The following COA5 variants were observed in gnomAD, a reference collection of about 807,000 sequenced individuals.
COA5 encodes the protein protein C2orf64.
A neutral mutation model predicts 11.8 loss-of-function variants in COA5; 11 were observed. The ratio of observed to expected loss-of-function variants is 0.93; its 90% CI spans 0.59 to 1.54. The LOEUF is 1.54. COA5 is among the 40% of genes most tolerant of loss of function. The pLI is 0.00. For synonymous variants in COA5, 38 were observed against 37.5 expected, an observed-to-expected ratio of 1.01 and a Z score of -0.05; for missense variants, 87 against 89.2, an observed-to-expected ratio of 0.97 and a Z score of 0.10.
chr2:98,608,493 G>A lies in COA5; in HGVS notation c.-88C>T, dbSNP rs910216399. On this transcript the variant is annotated 5_prime_UTR_variant, in exon 1 of 3. Coordinates refer to ENST00000328709, the MANE Select transcript of COA5 (RefSeq NM_001008215.3). ...GGGAGCGAGCGAGGCCCCAGTCTCAGGGGACCGGAAGCCAGCGGCAACAAC... is the reference window on the plus strand; with the variant it reads ...GGGAGCGAGCGAGGCCCCAGTCTCAAGGGACCGGAAGCCAGCGGCAACAAC... 7 of 1,066,420 alleles carry A rather than the reference G, an allele frequency of 6.6e-6. No homozygotes were observed. The highest frequency in any genetic ancestry group is 2.7e-5 in the South Asian group (2 of 74,808). The allele number at this position is 1,066,420 out of a possible 1,614,324, so 66.1% of individuals were successfully genotyped here. A position where few individuals can be genotyped will look rare whatever the true frequency, so the allele number is the denominator to read the frequency against.
At chr2:98,604,719 C>T (rs567924239) in intron 1 of COA5, 1 of 158,636 alleles carries the variant, frequency 6.3e-6, no homozygotes, top group South Asian at 1.9e-4. Context: ...CAGCCACTCC[C>T]CAGAACCTTT....
At chr2:98,601,009 G>T (rs1031095667) in intron 2 of COA5, among the ~76,000 whole-genome samples, 1 of 152,132 alleles carries the variant, frequency 6.6e-6, no homozygotes. Flanking sequence ...ACTTTGGGAT[G>T]ATGAGGTGGG....
intron 2 of COA5, 125 bp downstream of exon 2, chr2:98,603,980 ATAT>A (rs1700678459): frequency 2.9e-6 from 2 of 687,854 alleles, no homozygotes; most frequent in Non-Finnish European, 2.6e-6. Flanking sequence ...GGAGGAAGAA[ATAT>A]TATCTATGTA....
Position 98,600,714 on chromosome 2 carries a change from A to C in COA5, c.*38T>G. ...TTCTTTGTGTTAATGACCAGGGAAAATATTTGTTGTTTTCCATGTTGGCTT... is the reference window on the plus strand; with the variant it reads ...TTCTTTGTGTTAATGACCAGGGAAACTATTTGTTGTTTTCCATGTTGGCTT... On this transcript the variant is annotated 3_prime_UTR_variant, in exon 3 of 3. Transcript: ENST00000328709. The C allele has an allele frequency of 1.9e-6, 3 of 1,588,672 alleles. No individual in the cohort carries two copies. The highest frequency in any genetic ancestry group is 1.7e-6 in the Non-Finnish European group (2 of 1,160,158).
rs545544002 is a variant in COA5 at position 98,604,063 on chromosome 2, T to A, written c.183+45A>T. ...GTCATTCATATATTTAACCTCCCTA[T>A]AGCTAATTTTTAGCATAGGCTTTTA... On this transcript the variant is annotated intron_variant, in intron 2 of 2. Coordinates refer to ENST00000328709, the MANE Select transcript of COA5 (RefSeq NM_001008215.3). The A allele has an allele frequency of 2.4e-5, 35 of 1,435,080 alleles. No individual in the cohort carries two copies. In the Middle Eastern group the frequency reaches 2.8e-3, roughly 117 times the overall value. 88.9% of individuals were successfully genotyped at this position (1,435,080 alleles called of 1,614,324 possible). A position where few individuals can be genotyped will look rare whatever the true frequency, so the allele number is the denominator to read the frequency against.
chr2:98,604,343 T>C (rs1425822725), intron 1 of COA5, 152 bp from the exon 2 acceptor site: 10 of 658,758 alleles, frequency 1.5e-5, no homozygotes, highest in South Asian at 7.1e-5. Context: ...ATTTGGGCTA[T>C]TGGTGCCTAA....
At chr2:98,602,501 T>G (rs993462087) in intron 2 of COA5, 97 of 153,984 alleles carry the variant, frequency 6.3e-4, no homozygotes, top group Non-Finnish European at 1.0e-3. Flanking sequence ...ATATAAAACT[T>G]AGCTGGGCAT....
intron 1 of COA5, 142 bp from the exon 2 acceptor site, chr2:98,604,333 A>G (rs1700683022): frequency 8.6e-6 from 6 of 697,866 alleles, no homozygotes; most frequent in Non-Finnish European, 1.5e-5. Context: ...TTCTTAATTC[A>G]TTTGGGCTAT....
At position 98,608,384 on chromosome 2, in the gene COA5, T is replaced by G. The variant is rs1700742980; in HGVS notation, c.22A>C (p.Lys8Gln). The stretch of plus-strand genomic sequence containing the variant: ...CCCGCGCACGCGCCGCCCTGCGGCT[T>G]GTCCTCATAATACTTAGGCATGACG... MPKYYED[K>Q]PQGGACAGLK... Residue 8 changes from lysine (K) to glutamine (Q), a missense_variant, in exon 1 of 3, where the codon AAG becomes CAG. Transcript: ENST00000328709. 6.2e-7 allele frequency: 1 copy of G among 1,604,506 alleles called. No individual in the cohort carries two copies. Among genetic ancestry groups the G allele is most frequent in the African/African-American group, 1.3e-5 (1 of 74,836 alleles).
At chr2:98,606,619 T>C (rs1700708701) in intron 1 of COA5, among the ~76,000 whole-genome samples, 1 of 152,232 alleles carries the variant, frequency 6.6e-6, no homozygotes, top group African/African-American at 2.4e-5. Flanking sequence ...TGGCGCTCCG[T>C]ACATGTTTGC....
intron 1 of COA5, chr2:98,604,419 C>T (rs1700683740): frequency 1.9e-6 from 1 of 522,508 alleles, no homozygotes. Context: ...CTTGAAAACA[C>T]TGGTTTCTAT....
chr2:98,600,130 T>A lies in COA5; in HGVS notation c.*622A>T, dbSNP rs72823794. 0.26 allele frequency: 40,019 copies of A among 153,402 alleles called. 5,275 individuals carry two copies. The highest frequency in any genetic ancestry group is 0.35 in the Middle Eastern group (103 of 294). The allele number at this position is 153,402 out of a possible 1,614,324, so 9.5% of individuals were successfully genotyped here. ...TGTAGAGCGGGCCAGACTGAAAATG[T>A]AACCAGGAAACAAAAACAGTCCGAA... On this transcript the variant is annotated 3_prime_UTR_variant, in exon 3 of 3. Transcript: ENST00000328709.
At chr2:98,601,320 CTG>C (rs1320186851) in intron 2 of COA5, among the ~76,000 whole-genome samples, 1 of 152,162 alleles carries the variant, frequency 6.6e-6, no homozygotes, top group Admixed American at 6.5e-5. Context: ...TTACATTTAA[CTG>C]TTTATTTGGA....
In COA5 at chr2:98,599,342, T is replaced by G. The variant is rs1368065455; in HGVS notation, c.*1410A>C. On this transcript the variant is annotated 3_prime_UTR_variant, in exon 3 of 3. Transcript: ENST00000328709. Reference sequence around the variant, plus strand: ...CAGTGTGAATTTTACGGTATGTGTATTTCTCCAAATAAAGCTCAATAAAGC... The same window carrying G: ...CAGTGTGAATTTTACGGTATGTGTAGTTCTCCAAATAAAGCTCAATAAAGC... 1 of 152,192 alleles carries G rather than the reference T, an allele frequency of 6.6e-6. No homozygotes were observed. The highest frequency in any genetic ancestry group is 2.4e-5 in the African/African-American group (1 of 41,434). The allele number at this position is 152,192 out of a possible 1,614,324, so 9.4% of individuals were successfully genotyped here. A position where few individuals can be genotyped will look rare whatever the true frequency, so the allele number is the denominator to read the frequency against.
In COA5 at chr2:98,608,287, G is replaced by C; in HGVS notation, c.99+20C>G. 1 of 1,565,998 alleles carries C rather than the reference G, an allele frequency of 6.4e-7. No homozygotes were observed. Among genetic ancestry groups the C allele is most frequent in the Non-Finnish European group, 8.7e-7 (1 of 1,154,222 alleles). Reference sequence around the variant, plus strand: ...CCTGGGACAGGGGTCGTCACCACCGGGAGCGCCCGGCCGCGCTACCTGGAC... The same window carrying C: ...CCTGGGACAGGGGTCGTCACCACCGCGAGCGCCCGGCCGCGCTACCTGGAC... On this transcript the variant is annotated intron_variant, in intron 1 of 2. Coordinates refer to ENST00000328709, the MANE Select transcript of COA5 (RefSeq NM_001008215.3).
chr2:98,604,602 C>T, intron 1 of COA5: 1 of 203,034 alleles, frequency 4.9e-6, no homozygotes. Context: ...TAAATAGAAA[C>T]ATGTGGCCCA....
At chr2:98,603,065 C>T (rs1700663743) in intron 2 of COA5, among the ~76,000 whole-genome samples, 1 of 152,208 alleles carries the variant, frequency 6.6e-6, no homozygotes, top group Non-Finnish European at 1.5e-5. Flanking sequence ...ATCTGATTAG[C>T]TGGCAAACAT....
At chr2:98,606,453 C>T (rs4851145) in intron 1 of COA5, among the ~76,000 whole-genome samples, 39,009 of 152,142 alleles carry the variant, frequency 0.26, 5,041 homozygotes, top group Middle Eastern at 0.35. Context: ...AAACTGAGCA[C>T]TGGTAAGGCC....
chr2:98,607,560 T>C (rs1700725138), intron 1 of COA5, among the ~76,000 whole-genome samples: 1 of 152,052 alleles, frequency 6.6e-6, no homozygotes, highest in African/African-American at 2.4e-5. Flanking sequence ...TGAAACTACA[T>C]CCCCCAATGC....
Sources: allele counts gnomAD v4.1 joint callset (sites outside exome capture counted in the v4.1 genomes callset), GRCh38; gene constraint gnomAD v4.1.1; transcripts MANE v1.5; gene names NCBI Gene and HGNC (gene_info 2026-07-23, HGNC 2026-07-21).